Variants in ERBB4 observed in about 807,000 individuals in gnomAD.
The protein encoded by ERBB4 is receptor tyrosine-protein kinase erbB-4.
In ERBB4, 42 loss-of-function variants were observed where a neutral mutation model predicts 158.0. The ratio of observed to expected loss-of-function variants is 0.27; its 90% confidence interval spans 0.21 to 0.34. The LOEUF (loss-of-function observed/expected upper bound fraction) is 0.34, where lower values mean the gene tolerates loss of function less well. ERBB4 is among the 10% of genes least tolerant of loss of function. The probability of loss-of-function intolerance (pLI) is 1.00; values close to 1 mark genes in which losing one functional copy is unlikely to be tolerated. For synonymous variants in ERBB4, 583 were observed against 558.7 expected, an observed-to-expected ratio of 1.04 and a Z score of -0.61; for missense variants, 1,333 against 1,624.1, an observed-to-expected ratio of 0.82 and a Z score of 3.08.
In ERBB4 at chr2:211,429,174, A is replaced by C. The variant is rs571557531; in HGVS notation, c.2644-691T>G. Among the ~76,000 whole-genome samples, 321 of 152,250 alleles carry C rather than the reference A, an allele frequency of 2.1e-3. 1 individual carries two copies. Among genetic ancestry groups the C allele is most frequent in the Non-Finnish European group, 3.6e-3 (245 of 68,024 alleles). The stretch of plus-strand genomic sequence containing the variant: ...TAAACATCTAATACACATGCTTCTA[A>C]AAATGTGTTTATAGTTTTTTCTCAA... On this transcript the variant is annotated intron_variant, in intron 21 of 27. Transcript: ENST00000342788.
intron 20 of ERBB4, among the ~76,000 whole-genome samples, chr2:211,535,184 T>C (rs1047178210): frequency 6.6e-6 from 1 of 152,020 alleles, no homozygotes; most frequent in Admixed American, 6.6e-5. Context: ...TGTGGCTTAA[T>C]AAAAGATGTG....
intron 1 of ERBB4, among the ~76,000 whole-genome samples, chr2:212,415,178 C>T (rs1048758805): frequency 1.2e-4 from 18 of 151,988 alleles, no homozygotes; most frequent in Admixed American, 1.2e-3. Context: ...AGGAATGATC[C>T]AAGAACTGGG....
chr2:212,144,160 AC>A (rs113274841), intron 1 of ERBB4, among the ~76,000 whole-genome samples: 2 of 152,016 alleles, frequency 1.3e-5, no homozygotes, highest in African/African-American at 2.4e-5. Flanking sequence ...ATGCATGCTA[AC>A]TTTTTTTCAG....
At chr2:211,449,566 T>G (rs1434273501) in intron 20 of ERBB4, among the ~76,000 whole-genome samples, 1 of 152,144 alleles carries the variant, frequency 6.6e-6, no homozygotes, top group African/African-American at 2.4e-5. Context: ...AATCTGAGTA[T>G]GAAATGGAAA....
chr2:211,934,592 AAAT>A (rs1279465729), intron 3 of ERBB4, among the ~76,000 whole-genome samples: 1 of 151,996 alleles, frequency 6.6e-6, no homozygotes, highest in Non-Finnish European at 1.5e-5. Flanking sequence ...ATTCTCTAAA[AAAT>A]AAATACTAGA....
intron 2 of ERBB4, among the ~76,000 whole-genome samples, chr2:212,031,582 T>C (rs1447595428): frequency 6.6e-6 from 1 of 152,176 alleles, no homozygotes; most frequent in African/African-American, 2.4e-5. Context: ...GTGATTCTCT[T>C]GCAGAGCAGT....
chr2:211,749,051 A>T (rs997710033), intron 5 of ERBB4, among the ~76,000 whole-genome samples: 2 of 152,206 alleles, frequency 1.3e-5, no homozygotes, highest in African/African-American at 2.4e-5. Context: ...GCCATAAAAC[A>T]TTGTTTCTAT....
chr2:211,531,058 T>C (rs2888005), intron 20 of ERBB4, among the ~76,000 whole-genome samples: 105,598 of 151,820 alleles, frequency 0.7, 36,751 homozygotes, highest in East Asian at 0.8. Flanking sequence ...GAACATACTT[T>C]GGGAAAACGA....
intron 4 of ERBB4, among the ~76,000 whole-genome samples, chr2:211,772,850 T>TATATACAC (rs1553629924): frequency 2.1e-4 from 14 of 67,504 alleles, no homozygotes; most frequent in African/African-American, 8.2e-4. Context: ...TATATATATA[T>TATATACAC]ATATATATAT....
chr2:212,382,550 T>C (rs964570848), intron 1 of ERBB4, among the ~76,000 whole-genome samples: 2 of 150,950 alleles, frequency 1.3e-5, no homozygotes, highest in African/African-American at 2.4e-5. Flanking sequence ...ATGAATATTT[T>C]AATTTATATG....
Position 211,750,626 on chromosome 2 carries a change from G to T in ERBB4, c.622+13C>A, listed in dbSNP as rs1365098587. ...CACATCAAACCTGTGTGCTCTCACT[G>T]ATGAACACTTACAAGTCTGGCAATG... is the stretch of plus-strand genomic sequence containing the variant. On this transcript the variant is annotated intron_variant, in intron 5 of 27. Transcript: ENST00000342788. 1.2e-6 allele frequency: 2 copies of T among 1,611,320 alleles called. No individual in the cohort carries two copies. Among genetic ancestry groups the T allele is most frequent in the Non-Finnish European group, 1.7e-6 (2 of 1,177,612 alleles).
At chr2:211,996,797 G>C (rs774733181) in intron 2 of ERBB4, among the ~76,000 whole-genome samples, 1 of 152,164 alleles carries the variant, frequency 6.6e-6, no homozygotes, top group Non-Finnish European at 1.5e-5. Context: ...ATGAGTAAGA[G>C]AAACATCTCC....
intron 1 of ERBB4, among the ~76,000 whole-genome samples, chr2:212,240,659 AAAAAAAAAC>A (rs2084061606): frequency 2.7e-5 from 4 of 148,308 alleles, no homozygotes; most frequent in Middle Eastern, 3.4e-3. Flanking sequence ...AAAAAAAAAA[AAAAAAAAAC>A]AGAAAAAAAA....
chr2:211,687,480 C>A (rs536057461), intron 12 of ERBB4, among the ~76,000 whole-genome samples: 2 of 131,386 alleles, frequency 1.5e-5, no homozygotes, highest in East Asian at 6.7e-4. Flanking sequence ...CTCTCTTTTG[C>A]GAGCTTGACT....
intron 19 of ERBB4, among the ~76,000 whole-genome samples, chr2:211,609,895 G>A (rs1242186982): frequency 6.6e-6 from 1 of 152,118 alleles, no homozygotes; most frequent in Non-Finnish European, 1.5e-5. Flanking sequence ...GTCAGTCTAT[G>A]GTTTGGAAAT....
intron 16 of ERBB4, among the ~76,000 whole-genome samples, chr2:211,650,677 G>A (rs1186087261): frequency 6.6e-6 from 1 of 152,014 alleles, no homozygotes; most frequent in Non-Finnish European, 1.5e-5. Flanking sequence ...GACTGGGCTG[G>A]AGCAGTGCAG....
intron 1 of ERBB4, among the ~76,000 whole-genome samples, chr2:212,503,424 G>A (rs941433401): frequency 3.3e-5 from 5 of 152,104 alleles, no homozygotes; most frequent in Non-Finnish European, 7.3e-5. Context: ...CAGGTGTTAA[G>A]TAAAAATGGT....
rs182407049 is a variant in ERBB4, at chr2:211,931,034, T to C, written c.421+16396A>G. Among the ~76,000 whole-genome samples the C allele has an allele frequency of 2.0e-3, 307 of 152,116 alleles. 5 individuals are homozygous for C. The highest frequency in any genetic ancestry group is 2.3e-3 in the Non-Finnish European group (156 of 67,950). ...CCAGGGGAACTAAGAAATTAAGAAA[T>C]GAACAATGAATAGGATTTTCTTGGC... On this transcript the variant is annotated intron_variant, in intron 3 of 27. Coordinates refer to ENST00000342788, the MANE Select transcript of ERBB4 (RefSeq NM_005235.3).
rs1256937844 is a variant in ERBB4, at chr2:212,378,150, T to G, written c.82+160299A>C. On this transcript the variant is annotated intron_variant, in intron 1 of 27. Coordinates refer to ENST00000342788, the MANE Select transcript of ERBB4 (RefSeq NM_005235.3). ...TACAATGACACTAGGCAATAGAAAT[T>G]GTTTGGCTCCATTATAATATTATGG... 2.6e-5 allele frequency among the ~76,000 whole-genome samples: 4 copies of G among 151,788 alleles called. No homozygotes were observed. In the Admixed American group the frequency reaches 2.6e-4, roughly 10 times the overall value.
Sources: allele counts gnomAD v4.1 joint callset (sites outside exome capture counted in the v4.1 genomes callset), GRCh38; gene constraint gnomAD v4.1.1; transcripts MANE v1.5; gene names NCBI Gene and HGNC (gene_info 2026-07-23, HGNC 2026-07-21).